Variants in PRKCB observed in about 807,000 individuals in gnomAD.
PRKCB encodes protein kinase C beta, also known as protein kinase C beta type.
In PRKCB, 13 loss-of-function variants were observed where a neutral mutation model predicts 81.5. The observed-to-expected ratio is 0.16, with a 90% confidence interval of 0.10 to 0.25. The LOEUF (loss-of-function observed/expected upper bound fraction) is 0.25. PRKCB is among the 10% of genes least tolerant of loss of function. The probability of loss-of-function intolerance (pLI) is 1.00; values close to 1 mark genes in which losing one functional copy is unlikely to be tolerated. For missense variants in PRKCB, 509 were observed against 875.7 expected, an observed-to-expected ratio of 0.58 and a Z score of 5.29; for synonymous variants, 335 against 321.4, an observed-to-expected ratio of 1.04 and a Z score of -0.45.
chr16:24,182,422 A>G lies in PRKCB; in HGVS notation c.1533+1494A>G, dbSNP rs116960537. Among the ~76,000 whole-genome samples the G allele has an allele frequency of 2.8e-3, 422 of 152,188 alleles. 7 individuals are homozygous for G. The East Asian group carries it at 0.057, about 21-fold the overall frequency. ...TGCTGTCCTGACTACTCAGGAGGCT[A>G]AGGTGGGAGGATCACTTGAGCCCAG... On this transcript the variant is annotated intron_variant, in intron 13 of 16. Coordinates refer to ENST00000643927, the MANE Select transcript of PRKCB (RefSeq NM_002738.7).
chr16:23,992,832 A>C (rs899490257), intron 3 of PRKCB, among the ~76,000 whole-genome samples: 1 of 152,214 alleles, frequency 6.6e-6, no homozygotes, highest in Non-Finnish European at 1.5e-5. Flanking sequence ...GGATCCCATA[A>C]GGTGGGAAGA....
At chr16:24,012,060 C>T (rs996846294) in intron 3 of PRKCB, among the ~76,000 whole-genome samples, 2 of 152,150 alleles carry the variant, frequency 1.3e-5, no homozygotes, top group African/African-American at 4.8e-5. Flanking sequence ...TGATCCTTTT[C>T]ACTCCTTAAC....
chr16:24,033,554 G>T (rs929469454), intron 4 of PRKCB, among the ~76,000 whole-genome samples: 4 of 152,136 alleles, frequency 2.6e-5, no homozygotes, highest in African/African-American at 9.7e-5. Flanking sequence ...CTAAGGTCAG[G>T]AGTTTGAGAC....
chr16:23,903,162 T>G (rs1353086627), intron 2 of PRKCB, among the ~76,000 whole-genome samples: 1 of 151,728 alleles, frequency 6.6e-6, no homozygotes, highest in East Asian at 1.9e-4. Flanking sequence ...CTCCCCTGAC[T>G]CAGAGCTGTG....
chr16:23,985,061 A>C (rs576761410), intron 2 of PRKCB, among the ~76,000 whole-genome samples: 53 of 152,194 alleles, frequency 3.5e-4, no homozygotes, highest in African/African-American at 1.2e-3. Context: ...ATATGCTAAC[A>C]ATCTATTGCT....
chr16:24,099,976 A>T (rs986549827), intron 7 of PRKCB: 51 of 151,932 alleles, frequency 3.4e-4, no homozygotes, highest in African/African-American at 1.2e-3. Context: ...CATCTCAAAA[A>T]AAAAAAAAAA....
At chr16:23,934,142 C>T (rs555856254) in intron 2 of PRKCB, among the ~76,000 whole-genome samples, 53 of 152,206 alleles carry the variant, frequency 3.5e-4, no homozygotes, top group African/African-American at 1.2e-3. Context: ...CTATTATCAG[C>T]TGGGTATAAA....
At chr16:24,058,121 G>A (rs1965927781) in intron 5 of PRKCB, among the ~76,000 whole-genome samples, 1 of 152,066 alleles carries the variant, frequency 6.6e-6, no homozygotes, top group African/African-American at 2.4e-5. Flanking sequence ...CCCTCAGCTT[G>A]GGTTGCTTTT....
At chr16:23,943,528 C>G (rs1236037005) in intron 2 of PRKCB, among the ~76,000 whole-genome samples, 1 of 152,096 alleles carries the variant, frequency 6.6e-6, no homozygotes, top group Non-Finnish European at 1.5e-5. Context: ...GACTCTCTCT[C>G]TCTCTCTTTT....
intron 2 of PRKCB, among the ~76,000 whole-genome samples, chr16:23,851,220 G>A (rs1300082376): frequency 6.6e-6 from 1 of 152,112 alleles, no homozygotes; most frequent in Admixed American, 6.5e-5. Context: ...ATAGTTTCAG[G>A]TTTTAAGTCT....
chr16:24,167,537 G>T (rs1411610545), intron 10 of PRKCB, among the ~76,000 whole-genome samples: 1 of 151,800 alleles, frequency 6.6e-6, no homozygotes, highest in Non-Finnish European at 1.5e-5. Flanking sequence ...TCCAGACTGG[G>T]CGACAGAGTG....
intron 2 of PRKCB, among the ~76,000 whole-genome samples, chr16:23,965,621 C>T (rs534749955): frequency 6.6e-6 from 1 of 152,300 alleles, no homozygotes; most frequent in African/African-American, 2.4e-5. Context: ...GAGGAGACAG[C>T]CCTGTAGAAG....
intron 2 of PRKCB, among the ~76,000 whole-genome samples, chr16:23,980,409 T>C (rs962311564): frequency 6.6e-6 from 1 of 152,334 alleles, no homozygotes; most frequent in East Asian, 1.9e-4. Flanking sequence ...AAAATCTGCA[T>C]GCCAGTGGCT....
At chr16:24,122,449 CTTT>C (rs35364143) in intron 8 of PRKCB, among the ~76,000 whole-genome samples, 3 of 97,628 alleles carry the variant, frequency 3.1e-5, no homozygotes, top group African/African-American at 1.1e-4. Flanking sequence ...TACCACGAGG[CTTT>C]TTTTTTTTTT....
intron 5 of PRKCB, among the ~76,000 whole-genome samples, chr16:24,079,228 C>A (rs190036906): frequency 6.6e-6 from 1 of 152,150 alleles, no homozygotes; most frequent in African/African-American, 2.4e-5. Context: ...ACTCTCTTTT[C>A]GGACTCAGCC....
intron 5 of PRKCB, among the ~76,000 whole-genome samples, chr16:24,036,395 G>T (rs1965619503): frequency 1.3e-5 from 2 of 152,144 alleles, no homozygotes; most frequent in South Asian, 4.1e-4. Context: ...CTAAAACTTT[G>T]CAGGAATTTC....
At chr16:24,079,157 G>A (rs1333202503) in intron 5 of PRKCB, among the ~76,000 whole-genome samples, 2 of 152,168 alleles carry the variant, frequency 1.3e-5, no homozygotes, top group African/African-American at 4.8e-5. Context: ...CCTTAAGAAG[G>A]TACTTTGTAC....
At chr16:24,122,822 T>C (rs895025066) in intron 8 of PRKCB, among the ~76,000 whole-genome samples, 1 of 152,184 alleles carries the variant, frequency 6.6e-6, no homozygotes, top group Non-Finnish European at 1.5e-5. Flanking sequence ...AACGAAGTCC[T>C]GGCAGCTGCA....
At chr16:24,042,147 G>A (rs1965705977) in intron 5 of PRKCB, among the ~76,000 whole-genome samples, 1 of 152,154 alleles carries the variant, frequency 6.6e-6, no homozygotes, top group South Asian at 2.1e-4. Flanking sequence ...ATGGGGGTTT[G>A]TGTAATATTG....
Sources: gnomAD v4.1 joint callset for allele counts (sites outside exome capture counted in the v4.1 genomes callset) on GRCh38, gnomAD v4.1.1 for gene constraint, MANE v1.5 for transcripts, NCBI Gene and HGNC (gene_info 2026-07-23, HGNC 2026-07-21) for gene names.